FYCO1: variants seen among roughly 807,000 people sequenced by gnomAD.
FYCO1 encodes FYVE and coiled-coil domain-containing protein 1.
Under a neutral mutation model 165.1 loss-of-function variants are expected in FYCO1, and 122 were observed. That is an observed-to-expected ratio of 0.74 (90% CI 0.64 to 0.86). The LOEUF is 0.86. Ranked by LOEUF, FYCO1 falls within the 40% of genes least tolerant of loss-of-function variation. FYCO1 has a pLI of 0.00. For synonymous variants in FYCO1, 648 were observed against 742.5 expected, an observed-to-expected ratio of 0.87 and a Z score of 2.07; for missense variants, 1,702 against 1,810.3, an observed-to-expected ratio of 0.94 and a Z score of 1.09.
intron 1 of FYCO1, among the ~76,000 whole-genome samples, chr3:45,991,968 C>T (rs1044705218): frequency 1.3e-5 from 2 of 152,172 alleles, no homozygotes; most frequent in African/African-American, 4.8e-5. Context: ...ACCAGGGATG[C>T]GGAGCACAGA....
chr3:45,943,282 A>G (rs1409291053), intron 14 of FYCO1, among the ~76,000 whole-genome samples: 3 of 152,208 alleles, frequency 2.0e-5, no homozygotes, highest in African/African-American at 7.2e-5. Context: ...TGACAGAAGA[A>G]TCAGCCCCAA....
intron 15 of FYCO1, among the ~76,000 whole-genome samples, chr3:45,935,144 A>G (rs1703826007): frequency 6.6e-6 from 1 of 152,132 alleles, no homozygotes; most frequent in Admixed American, 6.5e-5. Context: ...TGTCTGCACC[A>G]CCTTCAAAAT....
rs151184020 is a variant in FYCO1 at position 45,921,786 on chromosome 3, G to A, written c.4416C>T (p.Tyr1472=). The change falls in exon 18 of 18, where the codon TAC becomes TAT. Residue 1472 remains tyrosine, a synonymous_variant. Coordinates refer to ENST00000296137, the MANE Select transcript of FYCO1 (RefSeq NM_024513.4). ...YHLTVDRPVI[Y]DGSDFL is the part of the protein sequence containing the mutation. ...GAAGCTACAGGAAATCACTTCCATCGTAGATCACAGGCCGATCAACCGTCA... is the reference window on the plus strand; with the variant it reads ...GAAGCTACAGGAAATCACTTCCATCATAGATCACAGGCCGATCAACCGTCA... The A allele has an allele frequency of 8.5e-5, 137 of 1,611,244 alleles. No individual in the cohort carries two copies. Among genetic ancestry groups the A allele is most frequent in the Middle Eastern group, 1.7e-4 (1 of 6,054 alleles).
Position 45,967,671 on chromosome 3 carries a change from G to C in FYCO1, c.1663C>G (p.Arg555Gly). ...TCTGGGCCAGGCGGCCCAGCAAGCC[G>C]CTCGAGCATACCCACCTGCTGGCTG... ...HLSQQVGMLERLAGPPGPELP... is the reference protein window; with the variant it reads ...HLSQQVGMLEGLAGPPGPELP... Residue 555 changes from arginine to glycine, a missense_variant, in exon 8 of 18, where the codon CGG (arginine) becomes GGG (glycine). Physicochemically the swap from Arg to Gly is moderately radical, Grantham distance 125 (BLOSUM62 -2). Transcript: ENST00000296137. 6.2e-7 allele frequency: 1 copy of C among 1,613,842 alleles called. No homozygotes were observed.
chr3:45,967,134 CGA>C lies in FYCO1; in HGVS notation c.2198_2199del (p.Leu733ArgfsTer12). On this transcript the variant is annotated frameshift_variant, in exon 8 of 18. Coordinates refer to ENST00000296137, the MANE Select transcript of FYCO1 (RefSeq NM_024513.4). LOFTEE classifies it high-confidence loss of function. Reference sequence around the variant, plus strand: ...TGGGTCTGCTGCTGGCACTGGCTCTCGAGAGCCCTAAGCTCTCTGTGCCGGGC... The same window carrying C: ...TGGGTCTGCTGCTGGCACTGGCTCTCGAGCCCTAAGCTCTCTGTGCCGGGC... The part of the protein sequence containing the change: ...AEARHRELRA[L>X]ESQCQQQTQL... 1 of 1,613,850 alleles carries C rather than the reference CGA, an allele frequency of 6.2e-7. No homozygotes were observed. The highest frequency in any genetic ancestry group is 1.3e-5 in the African/African-American group (1 of 75,034).
At position 45,918,417 on chromosome 3, in the gene FYCO1, G is replaced by A. The variant is rs1438837334; in HGVS notation, c.*3348C>T. ...CCCCTACAAAGTGCTTTCTTGGTAA[G>A]TGTTTTGTAAACAAGAATGGCCGTC... is the stretch of plus-strand genomic sequence containing the variant. On this transcript the variant is annotated 3_prime_UTR_variant, in exon 18 of 18. Transcript: ENST00000296137. 6.6e-6 allele frequency: 1 copy of A among 152,122 alleles called. No homozygotes were observed. The highest frequency in any genetic ancestry group is 2.4e-5 in the African/African-American group (1 of 41,434). The allele number at this position is 152,122 out of a possible 1,614,324, so 9.4% of individuals were successfully genotyped here. A position where few individuals can be genotyped will look rare whatever the true frequency, so the allele number is the denominator to read the frequency against.
At position 45,967,875 on chromosome 3, in the gene FYCO1, GCTC is replaced by G; in HGVS notation, c.1456_1458del (p.Glu486del). 1 of 1,614,040 alleles carries G rather than the reference GCTC, an allele frequency of 6.2e-7. No homozygotes were observed. Among genetic ancestry groups the G allele is most frequent in the Non-Finnish European group, 8.5e-7 (1 of 1,180,006 alleles). On this transcript the variant is annotated inframe_deletion, in exon 8 of 18. Transcript: ENST00000296137. ...TTTTTCTCCCGCCTCAACTCTGCTA[GCTC>G]CTCCTCCCAGGAGCTCGTGTGGGCC...
At chr3:45,938,398 T>G in intron 14 of FYCO1, 1 of 385,982 alleles carries the variant, frequency 2.6e-6, no homozygotes, top group Non-Finnish European at 5.1e-6. Context: ...TAGGAGGTTA[T>G]GACCAACATT....
intron 14 of FYCO1, among the ~76,000 whole-genome samples, chr3:45,942,807 A>C (rs1704312311): frequency 6.6e-6 from 1 of 152,214 alleles, no homozygotes; most frequent in Non-Finnish European, 1.5e-5. Context: ...CAGCCAGCCT[A>C]CGCAGGGTGG....
rs533637831 is a variant in FYCO1, at chr3:45,918,440, G to A, written c.*3325C>T. 43 of 152,216 alleles carry A rather than the reference G, an allele frequency of 2.8e-4. No homozygotes were observed. Among genetic ancestry groups the A allele is most frequent in the African/African-American group, 1.0e-3 (43 of 41,528 alleles). The allele number at this position is 152,216 out of a possible 1,614,324, so 9.4% of individuals were successfully genotyped here. On this transcript the variant is annotated 3_prime_UTR_variant, in exon 18 of 18. Coordinates refer to ENST00000296137, the MANE Select transcript of FYCO1 (RefSeq NM_024513.4). ...AAGTGTTTTGTAAACAAGAATGGCC[G>A]TCTCGATGGTCTTTGTGTACATGAC...
chr3:45,991,799 C>G (rs571080107), intron 1 of FYCO1, among the ~76,000 whole-genome samples: 9 of 152,230 alleles, frequency 5.9e-5, no homozygotes, highest in Non-Finnish European at 1.3e-4. Context: ...CACCGCATTT[C>G]GATGTTGAAG....
At chr3:45,985,842 G>A (rs1294216301) in intron 1 of FYCO1, among the ~76,000 whole-genome samples, 1 of 152,254 alleles carries the variant, frequency 6.6e-6, no homozygotes, top group East Asian at 1.9e-4. Flanking sequence ...ATTGGAAAGA[G>A]GTCTGGACAT....
rs1703039666 is a variant in FYCO1 at position 45,920,100 on chromosome 3, T to G, written c.*1665A>C. 1 of 152,242 alleles carries G rather than the reference T, an allele frequency of 6.6e-6. No individual in the cohort carries two copies. Among genetic ancestry groups the G allele is most frequent in the South Asian group, 2.1e-4 (1 of 4,834 alleles). 9.4% of individuals were successfully genotyped at this position (152,242 alleles called of 1,614,324 possible). A position where few individuals can be genotyped will look rare whatever the true frequency, so the allele number is the denominator to read the frequency against. On this transcript the variant is annotated 3_prime_UTR_variant, in exon 18 of 18. Coordinates refer to ENST00000296137, the MANE Select transcript of FYCO1 (RefSeq NM_024513.4). ...TTGCTTAAAAACTGACTGGAAGTGC[T>G]CAACTCTCCTGTTTAAAGGTCTGAG...
In FYCO1 at chr3:45,967,482, T is replaced by C. The variant is rs745338967; in HGVS notation, c.1852A>G (p.Asn618Asp). ...GSQEEELRQA[N>D]RELEKELQNV... Reference sequence around the variant, plus strand: ...TGTAGCTCCTTCTCCAGCTCCCTGTTGGCCTGCCGGAGCTCTTCCTCCTGG... The same window carrying C: ...TGTAGCTCCTTCTCCAGCTCCCTGTCGGCCTGCCGGAGCTCTTCCTCCTGG... The change falls in exon 8 of 18, where the codon AAC becomes GAC. Residue 618 changes from asparagine to aspartate, a missense_variant. Physicochemically the swap from Asn to Asp is conservative, Grantham distance 23. Transcript: ENST00000296137. The C allele has an allele frequency of 3.6e-5, 58 of 1,613,582 alleles. No individual in the cohort carries two copies. The highest frequency in any genetic ancestry group is 1.8e-4 in the Admixed American group (11 of 60,010).
intron 14 of FYCO1, among the ~76,000 whole-genome samples, chr3:45,950,773 A>G (rs1704963160): frequency 6.6e-6 from 1 of 152,236 alleles, no homozygotes; most frequent in Admixed American, 6.5e-5. Flanking sequence ...TTGCCCAGAA[A>G]TGTTGGCTCC....
rs1278735936 is a variant in FYCO1, at chr3:45,993,449, A to G, written c.-113+2273T>C. ...CAGCAAGAAGGTAAACAGCATTTCCATAGGTAGAACCACAGAAACATTCCA... is the reference window on the plus strand; with the variant it reads ...CAGCAAGAAGGTAAACAGCATTTCCGTAGGTAGAACCACAGAAACATTCCA... On this transcript the variant is annotated intron_variant, in intron 1 of 17. Transcript: ENST00000296137. This position sits in a 1 kb window ranked among gnomAD's most constrained non-coding sequence, Gnocchi z 4.4. 6.6e-6 allele frequency among the ~76,000 whole-genome samples: 1 copy of G among 152,246 alleles called. No homozygotes were observed. Among genetic ancestry groups the G allele is most frequent in the Non-Finnish European group, 1.5e-5 (1 of 68,036 alleles).
rs150959263 is a variant in FYCO1 at position 45,981,680 on chromosome 3, T to C, written c.56-4A>G. 733 of 1,595,502 alleles carry C rather than the reference T, an allele frequency of 4.6e-4. 1 individual carries two copies. The highest frequency in any genetic ancestry group is 1.0e-3 in the Middle Eastern group (6 of 6,026). On this transcript the variant is annotated splice_polypyrimidine_tract_variant and splice_region_variant and intron_variant, in intron 2 of 17. Transcript: ENST00000296137. ...TTGCTTAGTTCTGTCACAGCATCTTTAAGACAACAAATAGGAACATGTAAC... is the reference window on the plus strand; with the variant it reads ...TTGCTTAGTTCTGTCACAGCATCTTCAAGACAACAAATAGGAACATGTAAC...
At chr3:45,939,488 C>G (rs1271201167) in intron 14 of FYCO1, among the ~76,000 whole-genome samples, 1 of 152,192 alleles carries the variant, frequency 6.6e-6, no homozygotes, top group Non-Finnish European at 1.5e-5. Flanking sequence ...TGTCACGACT[C>G]AAATGGCCTC....
At chr3:45,946,784 G>T (rs1379936589) in intron 14 of FYCO1, 2 of 1,613,616 alleles carry the variant, frequency 1.2e-6, no homozygotes, top group Non-Finnish European at 1.7e-6. Context: ...GCCAGGTCAT[G>T]TGCAAGAGCC....
Sources: gnomAD v4.1 joint callset for allele counts (sites outside exome capture counted in the v4.1 genomes callset) on GRCh38, gnomAD v4.1.1 for gene constraint, Gnocchi (gnomAD v3.1) non-coding constraint, MANE v1.5 for transcripts, NCBI Gene and HGNC (gene_info 2026-07-23, HGNC 2026-07-21) for gene names.